The following STAG2 variants were observed in gnomAD, a reference collection of about 807,000 sequenced individuals.
STAG2 encodes STAG2 cohesin complex component, also known as cohesin subunit SA-2.
Under a neutral mutation model 108.1 loss-of-function variants are expected in STAG2, and 14 were observed. The ratio of observed to expected loss-of-function variants is 0.13; its 90% confidence interval spans 0.09 to 0.20. The LOEUF (loss-of-function observed/expected upper bound fraction) is 0.20, where lower values mean the gene tolerates loss of function less well. Ranked by LOEUF, STAG2 falls within the 10% of genes least tolerant of loss-of-function variation. The pLI is 1.00. For synonymous variants in STAG2, 307 were observed against 302.7 expected, an observed-to-expected ratio of 1.01 and a Z score of -0.15; for missense variants, 440 against 940.9, an observed-to-expected ratio of 0.47 and a Z score of 6.96.
chrX:124,087,267 G>A (rs1455936571), intron 30 of STAG2, among the ~76,000 whole-genome samples: 1 of 112,125 alleles, frequency 8.9e-6, no homozygotes, highest in Non-Finnish European at 1.9e-5. Context: ...AGGTAGGAAT[G>A]CATTATGACG....
chrX:124,016,039 C>CA (rs767432268), intron 1 of STAG2, among the ~76,000 whole-genome samples: 6 of 111,960 alleles, frequency 5.4e-5, no homozygotes, highest in Non-Finnish European at 1.9e-5. Context: ...TGATAGAACT[C>CA]AGAGTTTTTG....
intron 1 of STAG2, among the ~76,000 whole-genome samples, chrX:123,987,763 T>C (rs2055267768): frequency 8.9e-6 from 1 of 111,973 alleles, no homozygotes; most frequent in Admixed American, 9.6e-5. Context: ...CAACATAAAA[T>C]CTGTACATAG....
intron 1 of STAG2, among the ~76,000 whole-genome samples, chrX:124,013,000 C>T (rs1224345705): frequency 9.0e-6 from 1 of 111,669 alleles, no homozygotes; most frequent in Non-Finnish European, 1.9e-5. Flanking sequence ...TGTTCATCTA[C>T]TCTTCTATGA....
chrX:124,028,992 TA>T (rs1324969552), intron 4 of STAG2, among the ~76,000 whole-genome samples: 16,816 of 91,282 alleles, frequency 0.18, 1,648 homozygotes, highest in East Asian at 0.36. Context: ...TATTTATATA[TA>T]TATATATATA....
intron 1 of STAG2, among the ~76,000 whole-genome samples, chrX:124,006,758 T>A (rs970138195): frequency 7.2e-5 from 8 of 111,440 alleles, no homozygotes; most frequent in African/African-American, 2.6e-4. Flanking sequence ...TTTTTTATTT[T>A]GGCAATTCTT....
At chrX:124,031,332 C>CT (rs2057325224) in intron 5 of STAG2, among the ~76,000 whole-genome samples, 2 of 110,162 alleles carry the variant, frequency 1.8e-5, no homozygotes, top group South Asian at 7.6e-4. Flanking sequence ...CTGCTGCATG[C>CT]TTTTTTCTTT....
intron 1 of STAG2, among the ~76,000 whole-genome samples, chrX:123,996,923 G>C (rs928079646): frequency 1.8e-5 from 2 of 112,281 alleles, no homozygotes; most frequent in Non-Finnish European, 3.8e-5. Context: ...TTTGCATATG[G>C]TACAAGGTAT....
rs1556548697 is a variant in STAG2 at position 124,072,880 on chromosome X, T to TTTC, written c.2533+1559_2533+1560insCTT. Among the ~76,000 whole-genome samples, 5 of 100,923 alleles carry TTTC rather than the reference T, an allele frequency of 5.0e-5. No individual in the cohort carries two copies. In the East Asian group the frequency reaches 1.2e-3, roughly 25 times the overall value. 87.6% of individuals were successfully genotyped at this position (100,923 alleles called of 115,157 possible). Reference sequence around the variant, plus strand: ...CACGCCCAGCTAATTTTTCTTTTTTTTTTCTTTCTTTCTTTCTTTCTTTCT... The same window carrying TTTC: ...CACGCCCAGCTAATTTTTCTTTTTTTTTCTTTCTTTCTTTCTTTCTTTCTTTCT... On this transcript the variant is annotated intron_variant, in intron 25 of 34. Coordinates refer to ENST00000371145, the MANE Select transcript of STAG2 (RefSeq NM_001042750.2).
In STAG2 at chrX:124,045,272, A is replaced by G; in HGVS notation, c.571A>G (p.Ile191Val). The G allele has an allele frequency of 3.3e-6, 4 of 1,209,239 alleles. No homozygotes were observed. The highest frequency in any genetic ancestry group is 4.5e-6 in the Non-Finnish European group (4 of 893,557). The change falls in exon 8 of 35, where the codon ATA becomes GTA. Residue 191 changes from isoleucine (I) to valine (V), a missense_variant. Physicochemically the swap from Ile to Val is conservative, Grantham distance 29. Transcript: ENST00000371145. ...VLVRQCQYSI[I>V]YDEYMMDTVI... The stretch of plus-strand genomic sequence containing the variant: ...AGTACGGCAATGTCAATATAGTATC[A>G]TATATGATGAGTATATGATGGATAC...
At chrX:124,053,088 A>AGC (rs2058090711) in intron 13 of STAG2, among the ~76,000 whole-genome samples, 2 of 111,835 alleles carry the variant, frequency 1.8e-5, no homozygotes, top group Non-Finnish European at 3.8e-5. Context: ...AAGTGCTGGG[A>AGC]TTACAGGCAT....
At chrX:124,051,564 G>C (rs181094809) in intron 13 of STAG2, among the ~76,000 whole-genome samples, 170 bp downstream of exon 13, 276 of 110,853 alleles carry the variant, frequency 2.5e-3, no homozygotes, top group Non-Finnish European at 3.3e-3. Context: ...CAGGAAGAAG[G>C]AACCATAGAA....
At chrX:124,061,095 A>G (rs890943561) in intron 15 of STAG2, 129 bp from the exon 16 acceptor site, 2 of 414,805 alleles carry the variant, frequency 4.8e-6, no homozygotes, top group Non-Finnish European at 7.9e-6. Context: ...CTGTCCTTTC[A>G]TCTATTTGAC....
intron 4 of STAG2, chrX:124,026,602 C>A: frequency 3.7e-6 from 1 of 266,778 alleles, no homozygotes; most frequent in South Asian, 4.0e-5. Flanking sequence ...TTTATATTGT[C>A]TCATGACATA....
chrX:124,064,018 A>G lies in STAG2; in HGVS notation c.1992A>G (p.Lys664=). The G allele has an allele frequency of 8.3e-7, 1 of 1,210,166 alleles. No individual in the cohort carries two copies. Among genetic ancestry groups the G allele is most frequent in the African/African-American group, 1.7e-5 (1 of 57,768 alleles). The change falls in exon 20 of 35, where the codon AAA becomes AAG. Residue 664 remains lysine, a synonymous_variant. Transcript: ENST00000371145. ...RSQLIDELAD[K]FNRLLEDFLQ... ...AACTGATAGATGAATTGGCAGATAA[A>G]TTTAACCGGCTTCTTGAAGATTTTC...
intron 13 of STAG2, 152 bp from the exon 14 acceptor site, chrX:124,055,976 A>G: frequency 3.7e-6 from 1 of 266,970 alleles, no homozygotes; most frequent in Non-Finnish European, 6.1e-6. Context: ...GGTAGATGGT[A>G]ATTAAATAAG....
intron 15 of STAG2, among the ~76,000 whole-genome samples, chrX:124,059,383 A>G (rs768011100): frequency 8.9e-6 from 1 of 111,930 alleles, no homozygotes. Context: ...CATTAATTAC[A>G]TTGTTAGCTA....
intron 21 of STAG2, 108 bp downstream of exon 21, chrX:124,066,054 G>A (rs1379714638): frequency 1.1e-6 from 1 of 906,548 alleles, no homozygotes; most frequent in Non-Finnish European, 1.5e-6. Flanking sequence ...CGTTGTGGGG[G>A]CATTTTAAAG....
At chrX:124,079,419 G>A (rs967307261) in intron 27 of STAG2, among the ~76,000 whole-genome samples, 11 of 111,407 alleles carry the variant, frequency 9.9e-5, no homozygotes, top group African/African-American at 3.2e-4. Flanking sequence ...GATTACAGGC[G>A]TGAGCCACCG....
chrX:123,987,533 C>T (rs1166362548), intron 1 of STAG2, among the ~76,000 whole-genome samples: 1 of 112,193 alleles, frequency 8.9e-6, no homozygotes, highest in East Asian at 2.8e-4. Context: ...CAGGCGTGAG[C>T]CACCATGCCC....
Sources: gnomAD v4.1 joint callset for allele counts (sites outside exome capture counted in the v4.1 genomes callset) on GRCh38, gnomAD v4.1.1 for gene constraint, MANE v1.5 for transcripts, NCBI Gene and HGNC (gene_info 2026-07-23, HGNC 2026-07-21) for gene names.